ARHGAP42: variants seen among roughly 807,000 people sequenced by gnomAD.
ARHGAP42 encodes the protein rho GTPase-activating protein 42.
A neutral mutation model predicts 125.0 loss-of-function variants in ARHGAP42; 63 were observed. The observed-to-expected ratio is 0.50, with a 90% CI of 0.41 to 0.62. The LOEUF (loss-of-function observed/expected upper bound fraction) is 0.62, where lower values mean the gene tolerates loss of function less well. Ranked by LOEUF, ARHGAP42 falls within the 20% of genes least tolerant of loss-of-function variation. The probability of loss-of-function intolerance (pLI) is 0.00; values close to 1 mark genes in which losing one functional copy is unlikely to be tolerated. For synonymous variants in ARHGAP42, 339 were observed against 351.0 expected (o/e 0.97, Z 0.38); for missense variants, 766 against 1,024.2 (o/e 0.75, Z 3.44).
intron 4 of ARHGAP42, among the ~76,000 whole-genome samples, chr11:100,884,597 A>G (rs983274203): frequency 1.3e-5 from 2 of 152,160 alleles, no homozygotes; most frequent in African/African-American, 4.8e-5. Flanking sequence ...CACCAACATG[A>G]AAATATCATT....
At chr11:100,935,447 C>A (rs574580706) in intron 7 of ARHGAP42, among the ~76,000 whole-genome samples, 67 of 152,088 alleles carry the variant, frequency 4.4e-4, no homozygotes, top group Non-Finnish European at 8.7e-4. Flanking sequence ...TAACAAACTT[C>A]TTTTCTTGAC....
chr11:100,930,103 G>A (rs936421845), intron 6 of ARHGAP42, among the ~76,000 whole-genome samples: 19 of 152,268 alleles, frequency 1.2e-4, no homozygotes, highest in African/African-American at 3.4e-4. Context: ...AACCTATTCC[G>A]TCTATCTAGA....
At position 100,992,808 on chromosome 11, in the gene ARHGAP42, A is replaced by T; in HGVS notation, c.*4007A>T. On this transcript the variant is annotated 3_prime_UTR_variant, in exon 24 of 24. Coordinates refer to ENST00000298815, the MANE Select transcript of ARHGAP42 (RefSeq NM_152432.4). Reference sequence around the variant, plus strand: ...TTACATAAGAATGTTGACAACATTCACAGTAAGCCATTGGCAGAAAATTGA... The same window carrying T: ...TTACATAAGAATGTTGACAACATTCTCAGTAAGCCATTGGCAGAAAATTGA... 3.1e-6 allele frequency: 4 copies of T among 1,293,418 alleles called. No homozygotes were observed. Among genetic ancestry groups the T allele is most frequent in the Non-Finnish European group, 4.3e-6 (4 of 938,600 alleles). The allele number at this position is 1,293,418 out of a possible 1,614,324, so 80.1% of individuals were successfully genotyped here.
At chr11:100,815,784 C>T (rs551872184) in intron 3 of ARHGAP42, among the ~76,000 whole-genome samples, 2 of 152,196 alleles carry the variant, frequency 1.3e-5, no homozygotes, top group Non-Finnish European at 2.9e-5. Flanking sequence ...AACTCTATAC[C>T]ATTACACAAC....
At chr11:100,822,037 T>G (rs1396853302) in intron 3 of ARHGAP42, among the ~76,000 whole-genome samples, 1 of 152,136 alleles carries the variant, frequency 6.6e-6, no homozygotes, top group East Asian at 1.9e-4. Flanking sequence ...GGGTAAAATA[T>G]TGTGACATTT....
At chr11:100,978,559 C>A (rs892480575) in intron 21 of ARHGAP42, among the ~76,000 whole-genome samples, 11 of 150,492 alleles carry the variant, frequency 7.3e-5, no homozygotes, top group East Asian at 4.2e-4. Context: ...AAAAATACAT[C>A]AATAGTATTA....
intron 3 of ARHGAP42, among the ~76,000 whole-genome samples, chr11:100,802,974 T>C (rs1480135252): frequency 6.6e-6 from 1 of 152,224 alleles, no homozygotes; most frequent in Non-Finnish European, 1.5e-5. Context: ...AGTTCTAACA[T>C]TATAACAGAA....
At chr11:100,791,084 A>G (rs1230552820) in intron 2 of ARHGAP42, among the ~76,000 whole-genome samples, 1 of 152,176 alleles carries the variant, frequency 6.6e-6, no homozygotes, top group African/African-American at 2.4e-5. Context: ...TATTTTGTGT[A>G]TGCTTTTTGT....
intron 1 of ARHGAP42, among the ~76,000 whole-genome samples, chr11:100,689,239 A>T (rs1392232904): frequency 1.3e-5 from 2 of 152,214 alleles, no homozygotes; most frequent in African/African-American, 4.8e-5. Context: ...TTTGTCTGCA[A>T]TTCTTGCCAC....
At chr11:100,765,687 A>G (rs1862814194) in intron 1 of ARHGAP42, among the ~76,000 whole-genome samples, 1 of 152,180 alleles carries the variant, frequency 6.6e-6, no homozygotes, top group African/African-American at 2.4e-5. Flanking sequence ...AGGGAAGGAT[A>G]CATTCTATTT....
At chr11:100,954,377 G>A (rs1591319083) in intron 12 of ARHGAP42, among the ~76,000 whole-genome samples, 1 of 152,078 alleles carries the variant, frequency 6.6e-6, no homozygotes, top group Admixed American at 6.6e-5. Flanking sequence ...TGTGTGTAAT[G>A]ACAAAGTCAC....
chr11:100,750,061 G>A (rs1862409268), intron 1 of ARHGAP42, among the ~76,000 whole-genome samples: 1 of 152,194 alleles, frequency 6.6e-6, no homozygotes, highest in Non-Finnish European at 1.5e-5. Context: ...GGGGTGGGAT[G>A]CCCCTTCTCA....
intron 1 of ARHGAP42, 82 bp downstream of exon 1, chr11:100,687,914 G>A (rs1861114281): frequency 7.1e-7 from 1 of 1,407,342 alleles, no homozygotes; most frequent in African/African-American, 1.5e-5. Context: ...GGTTGGAGGA[G>A]TCGGAGCTTC....
Position 100,941,832 on chromosome 11 carries a change from G to A in ARHGAP42, c.881G>A (p.Gly294Glu), listed in dbSNP as rs1260312526. 1.3e-6 allele frequency: 2 copies of A among 1,539,196 alleles called. No homozygotes were observed. Among genetic ancestry groups the A allele is most frequent in the Non-Finnish European group, 1.7e-6 (2 of 1,143,236 alleles). The change falls in exon 9 of 24, where the codon GGA (glycine) becomes GAA (glutamate). Residue 294 changes from glycine to glutamate, a missense_variant. This residue lies in a region of ARHGAP42 where 455 missense variants were observed against 636.5 expected (regional missense o/e 0.71). Transcript: ENST00000298815. The stretch of plus-strand genomic sequence containing the variant: ...AAACATTATTGTACATATGATAAGG[G>A]AAGTAAAACATTTACAATGAGTGTT... ...WIKHYCTYDK[G>E]SKTFTMSVSE...
At chr11:100,850,509 T>C (rs895241556) in intron 3 of ARHGAP42, among the ~76,000 whole-genome samples, 1 of 152,198 alleles carries the variant, frequency 6.6e-6, no homozygotes, top group Admixed American at 6.5e-5. Flanking sequence ...TGCAGTCTTG[T>C]TGACCATATA....
chr11:100,803,885 AT>A (rs1442132938), intron 3 of ARHGAP42, among the ~76,000 whole-genome samples: 1 of 152,090 alleles, frequency 6.6e-6, no homozygotes, highest in African/African-American at 2.4e-5. Context: ...CAGTGAACTT[AT>A]TTCTTTTATT....
chr11:100,889,854 C>T (rs766000695), intron 4 of ARHGAP42, among the ~76,000 whole-genome samples: 1 of 152,082 alleles, frequency 6.6e-6, no homozygotes, highest in Non-Finnish European at 1.5e-5. Flanking sequence ...AACTCTTGAC[C>T]CACCTTGTTC....
chr11:100,934,269 G>T (rs549912759), intron 7 of ARHGAP42, among the ~76,000 whole-genome samples: 1 of 152,064 alleles, frequency 6.6e-6, no homozygotes, highest in Non-Finnish European at 1.5e-5. Context: ...AAACATAAGT[G>T]AGAGATCCTT....
chr11:100,849,578 T>C (rs1188972572), intron 3 of ARHGAP42, among the ~76,000 whole-genome samples: 1 of 145,834 alleles, frequency 6.9e-6, no homozygotes, highest in Non-Finnish European at 1.5e-5. Flanking sequence ...CTCTTTCAGT[T>C]AATTTTTTTT....
Sources: gnomAD v4.1 joint callset for allele counts (sites outside exome capture counted in the v4.1 genomes callset) on GRCh38, gnomAD v4.1.1 for gene constraint, gnomAD v4.1.1 regional missense constraint, MANE v1.5 for transcripts, NCBI Gene and HGNC (gene_info 2026-07-23, HGNC 2026-07-21) for gene names.